PDE1C: variants seen among roughly 807,000 people sequenced by gnomAD.
PDE1C encodes the protein dual specificity calcium/calmodulin-dependent 3',5'-cyclic nucleotide phosphodiesterase 1C.
A neutral mutation model predicts 93.1 loss-of-function variants in PDE1C; 62 were observed. That is an observed-to-expected ratio of 0.67 (90% CI 0.54 to 0.82). The LOEUF (loss-of-function observed/expected upper bound fraction) is 0.82. Ranked by LOEUF, PDE1C falls within the 40% of genes least tolerant of loss-of-function variation. The probability of loss-of-function intolerance (pLI) is 0.00; values close to 1 mark genes in which losing one functional copy is unlikely to be tolerated. For missense variants in PDE1C, 742 were observed against 884.6 expected, an observed-to-expected ratio of 0.84 and a Z score of 2.04; for synonymous variants, 325 against 310.1, an observed-to-expected ratio of 1.05 and a Z score of -0.50.
At chr7:31,793,775 CA>C (rs1200012023) in intron 16 of PDE1C, among the ~76,000 whole-genome samples, 2 of 151,350 alleles carry the variant, frequency 1.3e-5, no homozygotes, top group African/African-American at 4.8e-5. Flanking sequence ...TCCTAGGTCA[CA>C]AGTACATGAC....
In PDE1C at chr7:32,146,809, T is replaced by C. The variant is rs185614770; in HGVS notation, c.308+22976A>G. Reference sequence around the variant, plus strand: ...AAGGCATAGAAAAAATGAGTTTTTATAGAAATTAAGAAAGTCAGGAAAGTT... The same window carrying C: ...AAGGCATAGAAAAAATGAGTTTTTACAGAAATTAAGAAAGTCAGGAAAGTT... On this transcript the variant is annotated intron_variant, in intron 3 of 18. Transcript: ENST00000396193. 1.5e-3 allele frequency among the ~76,000 whole-genome samples: 225 copies of C among 152,278 alleles called. 1 individual carries two copies. Among genetic ancestry groups the C allele is most frequent in the African/African-American group, 5.2e-3 (216 of 41,562 alleles).
chr7:31,639,111 T>C, the PDE1C span, among the ~76,000 whole-genome samples: 1 of 152,168 alleles, frequency 6.6e-6, no homozygotes, highest in Non-Finnish European at 1.5e-5. Flanking sequence ...GGTGTAGTTT[T>C]CTTCATGTTT....
intron 2 of PDE1C, among the ~76,000 whole-genome samples, chr7:31,904,919 G>C (rs1800407949): frequency 6.6e-6 from 1 of 152,046 alleles, no homozygotes; most frequent in South Asian, 2.1e-4. Flanking sequence ...AATAAACATG[G>C]TAAAAAGTAT....
At position 31,775,647 on chromosome 7, in the gene PDE1C, C is replaced by T; in HGVS notation, c.1960+17G>A. ...GTCTGTGGTCACTAAGATAATGGTG[C>T]AATGCTGTTTACCCACCTGGCAACG... On this transcript the variant is annotated intron_variant, in intron 17 of 17. Coordinates refer to ENST00000396191, the MANE Select transcript of PDE1C (RefSeq NM_001191057.4). The T allele has an allele frequency of 6.2e-7, 1 of 1,608,550 alleles. No individual in the cohort carries two copies. The highest frequency in any genetic ancestry group is 8.5e-7 in the Non-Finnish European group (1 of 1,176,182).
chr7:31,702,050 C>A, the PDE1C span, among the ~76,000 whole-genome samples: 63,398 of 151,908 alleles, frequency 0.42, 14,417 homozygotes, highest in East Asian at 0.68. Flanking sequence ...AATCATTTTG[C>A]CTTTGTATAA....
chr7:32,110,349 A>T (rs1798570803), intron 3 of PDE1C, among the ~76,000 whole-genome samples: 1 of 152,088 alleles, frequency 6.6e-6, no homozygotes, highest in South Asian at 2.1e-4. Context: ...AAACCATCAG[A>T]TCTCATGAGA....
chr7:31,733,056 A>G, the PDE1C span, among the ~76,000 whole-genome samples: 1 of 152,054 alleles, frequency 6.6e-6, no homozygotes, highest in East Asian at 1.9e-4. Context: ...TTCAATGTCT[A>G]TTTTCTTTTG....
intron 2 of PDE1C, among the ~76,000 whole-genome samples, chr7:32,018,275 A>T (rs1261713816): frequency 6.6e-6 from 1 of 152,076 alleles, no homozygotes; most frequent in Non-Finnish European, 1.5e-5. Flanking sequence ...AAAATGTTAA[A>T]CAGAGTTACC....
chr7:31,792,806 C>A (rs1784731352), intron 16 of PDE1C, among the ~76,000 whole-genome samples: 1 of 152,128 alleles, frequency 6.6e-6, no homozygotes, highest in Non-Finnish European at 1.5e-5. Context: ...ATAGGCCACT[C>A]TGTGTGTAAC....
intron 2 of PDE1C, among the ~76,000 whole-genome samples, chr7:31,920,799 A>T (rs945495263): frequency 2.6e-5 from 4 of 152,120 alleles, no homozygotes; most frequent in Non-Finnish European, 5.9e-5. Flanking sequence ...CTCTCCAGAA[A>T]ATGTGGTATG....
chr7:31,769,128 G>A (rs755800779), intron 17 of PDE1C, among the ~76,000 whole-genome samples: 1 of 152,044 alleles, frequency 6.6e-6, no homozygotes, highest in Non-Finnish European at 1.5e-5. Flanking sequence ...TCTGTCTGTG[G>A]GTGGTAAATT....
chr7:32,332,480 ATC>A (rs1390397630), intron 1 of PDE1C, among the ~76,000 whole-genome samples: 3 of 151,914 alleles, frequency 2.0e-5, no homozygotes, highest in African/African-American at 7.3e-5. Context: ...TGGCTTTAGT[ATC>A]TACTAAAGCT....
the PDE1C span, among the ~76,000 whole-genome samples, chr7:31,630,901 A>G: frequency 5.9e-5 from 9 of 152,274 alleles, no homozygotes; most frequent in South Asian, 2.1e-4. Flanking sequence ...AAAAAAATAC[A>G]TACAAAAATG....
chr7:31,991,427 A>G (rs536324564), intron 2 of PDE1C, among the ~76,000 whole-genome samples: 7 of 152,254 alleles, frequency 4.6e-5, no homozygotes, highest in Admixed American at 1.3e-4. Context: ...TTGAACTCAA[A>G]CAGACTAGGG....
chr7:32,034,981 T>G (rs1231345543), intron 2 of PDE1C, among the ~76,000 whole-genome samples: 1 of 152,160 alleles, frequency 6.6e-6, no homozygotes, highest in East Asian at 1.9e-4. Flanking sequence ...TATGGCTATT[T>G]TTATTATTAC....
chr7:32,007,436 GGGATCA>G, intron 2 of PDE1C, among the ~76,000 whole-genome samples: 1 of 152,160 alleles, frequency 6.6e-6, no homozygotes, highest in Non-Finnish European at 1.5e-5. Flanking sequence ...TCTTGTGGCT[GGGATCA>G]GGAATATGAG....
chr7:32,249,869 G>GA (rs1809236975), intron 1 of PDE1C, among the ~76,000 whole-genome samples: 1 of 152,122 alleles, frequency 6.6e-6, no homozygotes, highest in Admixed American at 6.5e-5. Flanking sequence ...GGTTACCTTT[G>GA]AAAATCCCTT....
intron 1 of PDE1C, among the ~76,000 whole-genome samples, chr7:32,362,916 T>C (rs1784161382): frequency 6.6e-6 from 1 of 152,188 alleles, no homozygotes. Context: ...CACATGACCT[T>C]TATGGTGGAT....
intron 3 of PDE1C, among the ~76,000 whole-genome samples, chr7:32,076,722 G>C (rs909089152): frequency 4.6e-5 from 7 of 150,954 alleles, no homozygotes; most frequent in African/African-American, 1.7e-4. Flanking sequence ...GAACTAGAGA[G>C]ACAAAGAAAA....
Sources: allele counts gnomAD v4.1 joint callset (sites outside exome capture counted in the v4.1 genomes callset), GRCh38; gene constraint gnomAD v4.1.1; transcripts MANE v1.5; gene names NCBI Gene and HGNC (gene_info 2026-07-23, HGNC 2026-07-21).